Variants in HNRNPC observed in about 807,000 individuals in gnomAD.
HNRNPC encodes heterogeneous nuclear ribonucleoprotein C.
A neutral mutation model predicts 33.2 loss-of-function variants in HNRNPC; 3 were observed. The ratio of observed to expected loss-of-function variants is 0.09; its 90% CI spans 0.04 to 0.23. The LOEUF (loss-of-function observed/expected upper bound fraction) is 0.23, where lower values mean the gene tolerates loss of function less well. Among genes scored for constraint, HNRNPC ranks in the 10% least tolerant of loss-of-function variants. HNRNPC has a pLI of 1.00. For missense variants in HNRNPC, 143 were observed against 366.7 expected, an observed-to-expected ratio of 0.39 and a Z score of 4.98; for synonymous variants, 121 against 126.7, an observed-to-expected ratio of 0.96 and a Z score of 0.30.
At chr14:21,220,408 T>G (rs147365896) in intron 5 of HNRNPC, among the ~76,000 whole-genome samples, 2,693 of 152,224 alleles carry the variant, frequency 0.018, 28 homozygotes, top group Non-Finnish European at 0.027. Flanking sequence ...TTTGTATTTT[T>G]GGTAGAAATG....
chr14:21,224,793 CTT>C (rs1893224070), intron 5 of HNRNPC, among the ~76,000 whole-genome samples: 1 of 152,164 alleles, frequency 6.6e-6, no homozygotes, highest in Admixed American at 6.5e-5. Flanking sequence ...ACAACTCAAT[CTT>C]TGTTACATGT....
intron 1 of HNRNPC, chr14:21,264,069 A>G (rs1363703411): frequency 2.0e-5 from 3 of 152,208 alleles, no homozygotes; most frequent in Non-Finnish European, 4.4e-5. Context: ...GAGGGTCTCA[A>G]AAAGAGTATA....
At chr14:21,221,385 C>T (rs28674952) in intron 5 of HNRNPC, among the ~76,000 whole-genome samples, 24,224 of 152,172 alleles carry the variant, frequency 0.16, 2,201 homozygotes, top group Admixed American at 0.24. Context: ...TCTATAGTCA[C>T]TAGTCACATG....
intron 2 of HNRNPC, among the ~76,000 whole-genome samples, chr14:21,236,878 A>G (rs1415948606): frequency 6.6e-6 from 1 of 152,212 alleles, no homozygotes; most frequent in Non-Finnish European, 1.5e-5. Context: ...GACAGCATTT[A>G]AATCAAAATT....
intron 2 of HNRNPC, among the ~76,000 whole-genome samples, chr14:21,259,829 C>A (rs71410272): frequency 6.7e-6 from 1 of 148,628 alleles, no homozygotes; most frequent in Admixed American, 6.8e-5. Flanking sequence ...AAATTAAAAT[C>A]TTCCAGGAGT....
At chr14:21,260,745 A>T (rs1878095267) in intron 2 of HNRNPC, among the ~76,000 whole-genome samples, 1 of 151,972 alleles carries the variant, frequency 6.6e-6, no homozygotes, top group South Asian at 2.1e-4. Context: ...CGGGCAGACC[A>T]TGAGATCAGG....
At chr14:21,244,279 C>G (rs988033260) in intron 2 of HNRNPC, among the ~76,000 whole-genome samples, 1 of 152,300 alleles carries the variant, frequency 6.6e-6, no homozygotes, top group African/African-American at 2.4e-5. Context: ...GGATTATAGG[C>G]GTGAGCCCCC....
intron 2 of HNRNPC, among the ~76,000 whole-genome samples, chr14:21,258,774 CCTATCTTACTCAGA>C (rs1877675389): frequency 6.6e-6 from 1 of 152,178 alleles, no homozygotes; most frequent in Non-Finnish European, 1.5e-5. Flanking sequence ...CAGTTCTCAA[CCTATCTTACTCAGA>C]CTGATTTTGC....
At chr14:21,245,291 T>C (rs1263592810) in intron 2 of HNRNPC, among the ~76,000 whole-genome samples, 1 of 150,670 alleles carries the variant, frequency 6.6e-6, no homozygotes, top group Non-Finnish European at 1.5e-5. Flanking sequence ...AGGTCAGGAG[T>C]TCAAGACCAG....
intron 2 of HNRNPC, chr14:21,254,450 A>AC (rs1273925268): frequency 6.6e-6 from 1 of 152,116 alleles, no homozygotes; most frequent in Non-Finnish European, 1.5e-5. Flanking sequence ...CTGGAAGAAC[A>AC]CCCCAAATGT....
chr14:21,213,539 A>T (rs17102595), intron 5 of HNRNPC: 24,765 of 160,256 alleles, frequency 0.15, 2,215 homozygotes, highest in Admixed American at 0.24. Context: ...TGTTCCAATT[A>T]AAAGGGTATA....
At chr14:21,220,967 C>A (rs1203269005) in intron 5 of HNRNPC, among the ~76,000 whole-genome samples, 1 of 152,016 alleles carries the variant, frequency 6.6e-6, no homozygotes, top group African/African-American at 2.4e-5. Flanking sequence ...CGCCGGTATT[C>A]CCAGGAACTC....
At chr14:21,230,814 G>T in intron 4 of HNRNPC, 183 bp downstream of exon 4, 1 of 608,512 alleles carries the variant, frequency 1.6e-6, no homozygotes, top group South Asian at 3.3e-5. Context: ...GGGCAAAAAA[G>T]AGACATATTA....
chr14:21,241,759 G>A (rs1895369299), intron 2 of HNRNPC, among the ~76,000 whole-genome samples: 1 of 152,160 alleles, frequency 6.6e-6, no homozygotes, highest in Non-Finnish European at 1.5e-5. Flanking sequence ...GAACTGCCAA[G>A]AATCATTAGC....
intron 6 of HNRNPC, 84 bp from the exon 7 acceptor site, chr14:21,212,007 G>A (rs573507975): frequency 1.0e-6 from 1 of 997,884 alleles, no homozygotes; most frequent in African/African-American, 1.6e-5. Context: ...GACTACATCA[G>A]GAGCTCACAG....
chr14:21,267,443 A>G (rs1205746755), intron 1 of HNRNPC, among the ~76,000 whole-genome samples: 1 of 152,174 alleles, frequency 6.6e-6, no homozygotes, highest in Non-Finnish European at 1.5e-5. Context: ...GTCGAATGCC[A>G]TGTCAAATCC....
At chr14:21,254,740 T>C (rs2138957783) in intron 2 of HNRNPC, 1 of 152,258 alleles carries the variant, frequency 6.6e-6, no homozygotes, top group East Asian at 1.9e-4. Flanking sequence ...ACCCTGTCTC[T>C]TGTAAAAATA....
chr14:21,243,858 C>T (rs528355946), intron 2 of HNRNPC, among the ~76,000 whole-genome samples: 4 of 152,050 alleles, frequency 2.6e-5, no homozygotes, highest in Admixed American at 6.6e-5. Context: ...ACATCTACCA[C>T]GTAGAGGTTC....
At chr14:21,268,218 AAAT>A (rs1879339714) in intron 1 of HNRNPC, among the ~76,000 whole-genome samples, 1 of 152,212 alleles carries the variant, frequency 6.6e-6, no homozygotes, top group Non-Finnish European at 1.5e-5. Flanking sequence ...AGCACCCAGC[AAAT>A]AATAGGCACT....
Sources: gnomAD v4.1 joint callset for allele counts (sites outside exome capture counted in the v4.1 genomes callset) on GRCh38, gnomAD v4.1.1 for gene constraint, MANE v1.5 for transcripts, NCBI Gene and HGNC (gene_info 2026-07-23, HGNC 2026-07-21) for gene names.